Variants in ANKRD11 observed in about 807,000 individuals in gnomAD.
ANKRD11 encodes ankyrin repeat domain-containing protein 11.
In ANKRD11, 17 loss-of-function variants were observed where a neutral mutation model predicts 195.7. The ratio of observed to expected loss-of-function variants is 0.09; its 90% CI spans 0.06 to 0.13. The LOEUF (loss-of-function observed/expected upper bound fraction) is 0.13, where lower values mean the gene tolerates loss of function less well. ANKRD11 is among the 10% of genes least tolerant of loss of function. The probability of loss-of-function intolerance (pLI) is 1.00; values close to 1 mark genes in which losing one functional copy is unlikely to be tolerated. For missense variants in ANKRD11, 3,735 were observed against 3,566.1 expected, an observed-to-expected ratio of 1.05 and a Z score of -1.21; for synonymous variants, 1,953 against 1,528.1, an observed-to-expected ratio of 1.28 and a Z score of -6.49.
At chr16:89,384,869 A>C (rs2152113311) in intron 2 of ANKRD11, among the ~76,000 whole-genome samples, 1 of 109,700 alleles carries the variant, frequency 9.1e-6, no homozygotes, top group African/African-American at 3.6e-5. Flanking sequence ...ACACAATGAG[A>C]AATAGTTTTC....
chr16:89,350,336 C>CCA (rs2039150689), intron 2 of ANKRD11, among the ~76,000 whole-genome samples: 1 of 152,168 alleles, frequency 6.6e-6, no homozygotes, highest in South Asian at 2.1e-4. Context: ...AGAAAAGGTA[C>CCA]CACATCCAGC....
At chr16:89,372,943 T>C (rs1278443886) in intron 2 of ANKRD11, 2 of 152,222 alleles carry the variant, frequency 1.3e-5, no homozygotes, top group South Asian at 2.1e-4. Flanking sequence ...ACCCACAGAA[T>C]GCAAGCTGAC....
In ANKRD11 at chr16:89,401,971, A is replaced by G. The variant is rs62068602; in HGVS notation, c.-60+16313T>C. Among the ~76,000 whole-genome samples, 856 of 146,368 alleles carry G rather than the reference A, an allele frequency of 5.8e-3. 11 individuals carry two copies. The highest frequency in any genetic ancestry group is 0.02 in the African/African-American group (799 of 39,386). On this transcript the variant is annotated intron_variant, in intron 2 of 12. Coordinates refer to ENST00000301030, the MANE Select transcript of ANKRD11 (RefSeq NM_013275.6). ...CCACCCCTCCAGCACCGCAGAAGGA[A>G]CCGGCCCTGCAGACAGCTTGGTCTC...
chr16:89,445,073 C>T (rs535428681), intron 1 of ANKRD11, among the ~76,000 whole-genome samples: 54 of 152,354 alleles, frequency 3.5e-4, no homozygotes, highest in Admixed American at 1.0e-3. Flanking sequence ...GTGCTGGCCC[C>T]TTGGGTGAGG....
Position 89,281,435 on chromosome 16 carries a change from C to T in ANKRD11, c.5107G>A (p.Val1703Met), listed in dbSNP as rs767704252. The change falls in exon 9 of 13, where the codon GTG (valine) becomes ATG (methionine). Residue 1703 changes from valine (V) to methionine (M), a missense_variant. Transcript: ENST00000301030. The surrounding 1 kb of genome is among the most constrained non-coding windows in gnomAD (Gnocchi z 5.5). ...GATAGCACCGACGTAGGGGTGGGCACGCCAGTGGGCCGGCTCTGGTCAGGC... is the reference window on the plus strand; with the variant it reads ...GATAGCACCGACGTAGGGGTGGGCATGCCAGTGGGCCGGCTCTGGTCAGGC... ...PRPDQSRPTG[V>M]PTPTSVLSCP... The T allele has an allele frequency of 5.0e-6, 8 of 1,612,988 alleles. No homozygotes were observed. In the South Asian group the frequency reaches 6.6e-5, roughly 13 times the overall value.
intron 1 of ANKRD11, among the ~76,000 whole-genome samples, chr16:89,457,586 G>A (rs201538017): frequency 3.0e-3 from 376 of 125,612 alleles, no homozygotes; most frequent in Non-Finnish European, 3.0e-3. Flanking sequence ...TCCGTCTCAA[G>A]AAAAAAAAAA....
chr16:89,281,467 G>C lies in ANKRD11; in HGVS notation c.5075C>G (p.Ser1692Cys), dbSNP rs866101421. 1 of 1,614,040 alleles carries C rather than the reference G, an allele frequency of 6.2e-7. No homozygotes were observed. Among genetic ancestry groups the C allele is most frequent in the Non-Finnish European group, 8.5e-7 (1 of 1,179,990 alleles). ...GPHMKEVLPA[S>C]PRPDQSRPTG... Reference sequence around the variant, plus strand: ...GGGCCGGCTCTGGTCAGGCCTGGGGGACGCAGGCAGGACCTCTTTCATGTG... The same window carrying C: ...GGGCCGGCTCTGGTCAGGCCTGGGGCACGCAGGCAGGACCTCTTTCATGTG... The change falls in exon 9 of 13, where the codon TCC becomes TGC. Residue 1692 changes from serine (S) to cysteine (C), a missense_variant. By Grantham distance (112) the Ser-to-Cys change is moderately radical. Transcript: ENST00000301030. This position sits in a 1 kb window ranked among gnomAD's most constrained non-coding sequence, Gnocchi z 5.5.
At chr16:89,294,703 G>A (rs140226419) in intron 4 of ANKRD11, among the ~76,000 whole-genome samples, 22 of 152,276 alleles carry the variant, frequency 1.4e-4, no homozygotes, top group East Asian at 3.9e-4. Context: ...GGTCCTTGAC[G>A]TGCACACACA....
At chr16:89,369,086 G>C (rs1597808649) in intron 2 of ANKRD11, among the ~76,000 whole-genome samples, 1 of 152,044 alleles carries the variant, frequency 6.6e-6, no homozygotes, top group Non-Finnish European at 1.5e-5. Flanking sequence ...GCCCTACAAT[G>C]ATCACATCAC....
At chr16:89,414,247 C>A (rs1367485963) in intron 2 of ANKRD11, among the ~76,000 whole-genome samples, 1 of 152,198 alleles carries the variant, frequency 6.6e-6, no homozygotes, top group Non-Finnish European at 1.5e-5. Context: ...AACAACACTG[C>A]CTTTGTTATC....
intron 1 of ANKRD11, among the ~76,000 whole-genome samples, chr16:89,478,078 C>T (rs1247409425): frequency 6.6e-6 from 1 of 152,096 alleles, no homozygotes; most frequent in East Asian, 1.9e-4. Context: ...AAAAATAAAA[C>T]AATGGCTTAA....
chr16:89,399,914 T>G (rs2041622840), intron 2 of ANKRD11, among the ~76,000 whole-genome samples: 1 of 152,178 alleles, frequency 6.6e-6, no homozygotes, highest in Non-Finnish European at 1.5e-5. Flanking sequence ...GAAGGTCCAG[T>G]GCACCAGGAC....
intron 2 of ANKRD11, among the ~76,000 whole-genome samples, chr16:89,377,007 T>G (rs188182803): frequency 1.3e-5 from 2 of 152,282 alleles, no homozygotes; most frequent in East Asian, 3.9e-4. Context: ...AAAGAACCCC[T>G]TTTTCCGGAC....
At position 89,285,931 on chromosome 16, in the gene ANKRD11, A is replaced by G. The variant is rs1233635042; in HGVS notation, c.892+108T>C. 1.3e-6 allele frequency: 2 copies of G among 1,561,462 alleles called. No individual in the cohort carries two copies. The highest frequency in any genetic ancestry group is 1.3e-5 in the African/African-American group (1 of 74,076). Reference sequence around the variant, plus strand: ...AGTCCAGAAGCTCCTGTAAGCCCCCAGCATCCGAGGAGGAGCTGATCAGAG... The same window carrying G: ...AGTCCAGAAGCTCCTGTAAGCCCCCGGCATCCGAGGAGGAGCTGATCAGAG... On this transcript the variant is annotated intron_variant, in intron 8 of 12. Transcript: ENST00000301030. The surrounding 1 kb of genome is among the most constrained non-coding windows in gnomAD (Gnocchi z 5.6).
intron 3 of ANKRD11, among the ~76,000 whole-genome samples, chr16:89,314,415 C>T (rs541107577): frequency 3.1e-4 from 47 of 152,308 alleles, no homozygotes; most frequent in African/African-American, 8.2e-4. Context: ...CATCAAGTCT[C>T]TCTTCTCCTT....
At chr16:89,428,387 G>A (rs1032735631) in intron 1 of ANKRD11, among the ~76,000 whole-genome samples, 33 of 151,622 alleles carry the variant, frequency 2.2e-4, no homozygotes, top group Middle Eastern at 3.4e-3. Context: ...TTAGCCAAGC[G>A]TGGTGGCGGG....
chr16:89,365,601 AAG>A (rs2039910064), intron 2 of ANKRD11, among the ~76,000 whole-genome samples: 2 of 152,232 alleles, frequency 1.3e-5, no homozygotes, highest in South Asian at 4.1e-4. Context: ...ATAATTGAAA[AAG>A]AGGTATGTTC....
chr16:89,394,356 C>A (rs1208857976), intron 2 of ANKRD11, among the ~76,000 whole-genome samples: 1 of 152,238 alleles, frequency 6.6e-6, no homozygotes, highest in Non-Finnish European at 1.5e-5. Flanking sequence ...GGGCCAGGCA[C>A]AGTGGCTCCC....
chr16:89,409,601 G>A (rs1202136559), intron 2 of ANKRD11, among the ~76,000 whole-genome samples: 3 of 152,144 alleles, frequency 2.0e-5, no homozygotes, highest in African/African-American at 7.2e-5. Context: ...ACTGCTTAAG[G>A]CCAGGAGTTC....
Sources: gnomAD v4.1 joint callset for allele counts (sites outside exome capture counted in the v4.1 genomes callset) on GRCh38, gnomAD v4.1.1 for gene constraint, Gnocchi (gnomAD v3.1) non-coding constraint, MANE v1.5 for transcripts, NCBI Gene and HGNC (gene_info 2026-07-23, HGNC 2026-07-21) for gene names.